The following HIP1R variants were observed in gnomAD, a reference collection of about 807,000 sequenced individuals.
HIP1R encodes the protein huntingtin-interacting protein 1-related protein.
A neutral mutation model predicts 144.2 loss-of-function variants in HIP1R; 135 were observed. The ratio of observed to expected loss-of-function variants is 0.94; its 90% CI spans 0.81 to 1.08. HIP1R has a LOEUF of 1.08. Among genes scored for constraint, HIP1R ranks in the 50% least tolerant of loss-of-function variants. HIP1R has a pLI of 0.00. For missense variants in HIP1R, 1,462 were observed against 1,432.8 expected, an observed-to-expected ratio of 1.02 and a Z score of -0.33; for synonymous variants, 698 against 612.8, an observed-to-expected ratio of 1.14 and a Z score of -2.05.
chr12:122,834,813 C>A, upstream of HIP1R: 1 of 535,196 alleles, frequency 1.9e-6, no homozygotes, highest in South Asian at 1.8e-5. Context: ...ATGCATCCTG[C>A]ATCCCCGCAT....
chr12:122,849,006 T>G (rs1270714323), intron 4 of HIP1R, among the ~76,000 whole-genome samples, 154 bp downstream of exon 4: 1 of 152,268 alleles, frequency 6.6e-6, no homozygotes, highest in East Asian at 1.9e-4. Flanking sequence ...AGATGCTGCC[T>G]GCCTTTGAGG....
In HIP1R at chr12:122,855,962, T is replaced by C; in HGVS notation, c.1129-18T>C. On this transcript the variant is annotated intron_variant, in intron 13 of 31. Coordinates refer to ENST00000253083, the MANE Select transcript of HIP1R (RefSeq NM_003959.3). Reference sequence around the variant, plus strand: ...CTCACGGCCCAGGCAGGGCCCCACGTCACACCTCCTCCCGCAGGCCCAGCG... The same window carrying C: ...CTCACGGCCCAGGCAGGGCCCCACGCCACACCTCCTCCCGCAGGCCCAGCG... The C allele has an allele frequency of 6.3e-7, 1 of 1,575,622 alleles. No individual in the cohort carries two copies. The highest frequency in any genetic ancestry group is 8.6e-7 in the Non-Finnish European group (1 of 1,161,156).
rs986653932 is a variant in HIP1R, at chr12:122,860,675, G to A, written c.2661-4G>A. 3.1e-6 allele frequency: 5 copies of A among 1,612,410 alleles called. No homozygotes were observed. Among genetic ancestry groups the A allele is most frequent in the South Asian group, 1.1e-5 (1 of 91,064 alleles). On this transcript the variant is annotated splice_region_variant and splice_polypyrimidine_tract_variant and intron_variant, in intron 27 of 31. Coordinates refer to ENST00000253083, the MANE Select transcript of HIP1R (RefSeq NM_003959.3). ...CCTGGCCCTGACTGGCCCTTGACCC[G>A]CAGGGAGGCAGCTGACAAGGTGGTG...
chr12:122,848,692 G>A (rs1566104875), intron 3 of HIP1R, 84 bp downstream of exon 3: 23 of 1,593,976 alleles, frequency 1.4e-5, no homozygotes, highest in Admixed American at 1.7e-5. Context: ...TCCTGTCCCC[G>A]TAGCTCCGGG....
At position 122,856,842 on chromosome 12, in the gene HIP1R, C is replaced by T. The variant is rs2033598368; in HGVS notation, c.1620+116C>T. 4 of 1,075,236 alleles carry T rather than the reference C, an allele frequency of 3.7e-6. No homozygotes were observed. In the Admixed American group the frequency reaches 6.4e-5, roughly 17 times the overall value. The allele number at this position is 1,075,236 out of a possible 1,614,324, so 66.6% of individuals were successfully genotyped here. ...GGTGCCACTCGGTGATCCTGGGATG[C>T]AGCCCTGACCCAGACCCAGGGGCTA... On this transcript the variant is annotated intron_variant, in intron 17 of 31. Coordinates refer to ENST00000253083, the MANE Select transcript of HIP1R (RefSeq NM_003959.3).
In HIP1R at chr12:122,860,172, TC is replaced by T; in HGVS notation, c.2523del (p.Thr842LeufsTer82). 1 of 1,572,370 alleles carries T rather than the reference TC, an allele frequency of 6.4e-7. No homozygotes were observed. Among genetic ancestry groups the T allele is most frequent in the Non-Finnish European group, 8.6e-7 (1 of 1,160,692 alleles). On this transcript the variant is annotated frameshift_variant, in exon 26 of 32. Transcript: ENST00000253083. LOFTEE classifies it high-confidence loss of function. ...MKAIRLLVTTSTSLQKEIVES... is the reference protein window; with the variant it reads ...MKAIRLLVTTXTSLQKEIVES... The stretch of plus-strand genomic sequence containing the variant: ...GGCTATCCGGCTCCTGGTGACGACA[TC>T]CACTAGCCTGCAGAAGGAGATCGTG...
chr12:122,847,966 C>T, intron 1 of HIP1R, 65 bp from the exon 2 acceptor site: 1 of 1,498,758 alleles, frequency 6.7e-7, no homozygotes. Context: ...GCTTCTCCCC[C>T]TTGGGGTGGT....
intron 1 of HIP1R, among the ~76,000 whole-genome samples, chr12:122,838,576 C>T (rs926722264): frequency 2.0e-5 from 3 of 152,090 alleles, no homozygotes; most frequent in East Asian, 1.9e-4. Flanking sequence ...CCATACAGAT[C>T]GTTCCAGCTA....
At position 122,860,116 on chromosome 12, in the gene HIP1R, G is replaced by A. The variant is rs1175106664; in HGVS notation, c.2497-32G>A. ...ACCCGGGGGGGTCTGCACCTGGAGG[G>A]CCACCAGTCATTGCTGTCTTGGTCT... On this transcript the variant is annotated intron_variant, in intron 25 of 31. Transcript: ENST00000253083. The A allele has an allele frequency of 3.2e-6, 5 of 1,585,950 alleles. No individual in the cohort carries two copies. In the African/African-American group the frequency reaches 5.4e-5, roughly 17 times the overall value.
chr12:122,844,315 T>C (rs1423344203), intron 1 of HIP1R, among the ~76,000 whole-genome samples: 1 of 152,022 alleles, frequency 6.6e-6, no homozygotes, highest in East Asian at 1.9e-4. Flanking sequence ...AAATTATTTT[T>C]GGTAGAGATG....
In HIP1R at chr12:122,861,349, C is replaced by G. The variant is rs553973787; in HGVS notation, c.2994C>G (p.Arg998=). The change falls in exon 31 of 32, where the codon CGC becomes CGG. Residue 998 remains arginine, a synonymous_variant. Coordinates refer to ENST00000253083, the MANE Select transcript of HIP1R (RefSeq NM_003959.3). The part of the protein sequence containing the change: ...LELEKTLEAE[R]MRLGELRKQH... The stretch of plus-strand genomic sequence containing the variant: ...TGGAGAAGACGCTGGAGGCTGAACG[C>G]ATGCGGCTGGGGGAGTTGCGGAAGC... 1.4e-5 allele frequency: 23 copies of G among 1,613,674 alleles called. No individual in the cohort carries two copies. The African/African-American group carries it at 2.1e-4, about 15-fold the overall frequency.
At chr12:122,835,034 G>A (rs2032828598), upstream of HIP1R, 1 of 1,281,278 alleles carries the variant, frequency 7.8e-7, no homozygotes. Flanking sequence ...GTGGGGAGAG[G>A]GAATTGGCTG....
At chr12:122,857,686 T>G (rs1365641477) in intron 18 of HIP1R, 1 of 275,008 alleles carries the variant, frequency 3.6e-6, no homozygotes, top group Non-Finnish European at 6.9e-6. Flanking sequence ...TGCACCATTT[T>G]ACACTCCCAC....
In HIP1R at chr12:122,856,065, C is replaced by T. The variant is rs1429998816; in HGVS notation, c.1214C>T (p.Ala405Val). 3.1e-6 allele frequency: 5 copies of T among 1,591,288 alleles called. No individual in the cohort carries two copies. The highest frequency in any genetic ancestry group is 4.3e-6 in the Non-Finnish European group (5 of 1,169,278). The change falls in exon 14 of 32, where the codon GCC (alanine) becomes GTC (valine). Residue 405 changes from alanine (A) to valine (V), a missense_variant. Transcript: ENST00000253083. ...GAGCAGCGGAAGCAGAAGCAGAAGG[C>T]CCTGGTGGATAATGAGCAGCTCCGC... is the stretch of plus-strand genomic sequence containing the variant. ...LEEQRKQKQK[A>V]LVDNEQLRHE...
intron 10 of HIP1R, 63 bp downstream of exon 10, chr12:122,855,191 A>C: frequency 6.2e-7 from 1 of 1,611,158 alleles, no homozygotes; most frequent in Non-Finnish European, 8.5e-7. Flanking sequence ...TGGGCCCCAC[A>C]CAGGCTATGG....
chr12:122,851,193 C>G (rs1425668154), intron 6 of HIP1R, 43 bp from the exon 7 acceptor site: 9 of 1,448,560 alleles, frequency 6.2e-6, no homozygotes, highest in Middle Eastern at 2.3e-4. Context: ...GTGGGTGGGT[C>G]CACCCACCCT....
chr12:122,835,113 G>C (rs982039646), upstream of HIP1R: 3 of 875,506 alleles, frequency 3.4e-6, no homozygotes, highest in African/African-American at 5.5e-5. Flanking sequence ...CTCCCCTCCG[G>C]GTTTAGGGAG....
chr12:122,852,045 C>T lies in HIP1R; in HGVS notation c.577+748C>T, dbSNP rs576723952. On this transcript the variant is annotated intron_variant, in intron 7 of 31. Transcript: ENST00000253083. The stretch of plus-strand genomic sequence containing the variant: ...CCGGCCGCTGTTGGACAGGAAATCT[C>T]AGAGGGCTCAGCTTCCAGGCTGGAG... Among the ~76,000 whole-genome samples, 147 of 152,234 alleles carry T rather than the reference C, an allele frequency of 9.7e-4. 1 individual carries two copies. Among genetic ancestry groups the T allele is most frequent in the Non-Finnish European group, 1.6e-3 (112 of 68,036 alleles).
rs776069233 is a variant in HIP1R, at chr12:122,860,187, A to G, written c.2536A>G (p.Lys846Glu). The G allele has an allele frequency of 1.1e-5, 18 of 1,568,720 alleles. No individual in the cohort carries two copies. The Middle Eastern group carries it at 6.7e-4, about 58-fold the overall frequency. The change falls in exon 26 of 32, where the codon AAG becomes GAG. Residue 846 changes from lysine (K) to glutamate (E), a missense_variant. Physicochemically the swap from Lys to Glu is moderately conservative, Grantham distance 56. Transcript: ENST00000253083. ...LLVTTSTSLQ[K>E]EIVESGRGAA... ...GGTGACGACATCCACTAGCCTGCAG[A>G]AGGAGATCGTGGAGAGCGGCAGGGT... is the stretch of plus-strand genomic sequence containing the variant.
Sources: allele counts gnomAD v4.1 joint callset (sites outside exome capture counted in the v4.1 genomes callset), GRCh38; gene constraint gnomAD v4.1.1; transcripts MANE v1.5; gene names NCBI Gene and HGNC (gene_info 2026-07-23, HGNC 2026-07-21).